LSMEM2: variants seen among roughly 807,000 people sequenced by gnomAD.
LSMEM2 encodes leucine rich single-pass membrane protein 2.
LSMEM2 carries 20 observed loss-of-function variants against 17.3 expected under a neutral mutation model. The ratio of observed to expected loss-of-function variants is 1.16; its 90% CI spans 0.81 to 1.68. The LOEUF (loss-of-function observed/expected upper bound fraction) is 1.68, where lower values mean the gene tolerates loss of function less well. Among genes scored for constraint, LSMEM2 ranks in the 40% most tolerant of loss-of-function variants. The probability of loss-of-function intolerance (pLI) is 0.00; values close to 1 mark genes in which losing one functional copy is unlikely to be tolerated. For missense variants in LSMEM2, 207 were observed against 214.3 expected, an observed-to-expected ratio of 0.97 and a Z score of 0.21; for synonymous variants, 94 against 97.8, an observed-to-expected ratio of 0.96 and a Z score of 0.23.
At chr3:50,280,144 A>G (rs1701358594) in intron 1 of LSMEM2, among the ~76,000 whole-genome samples, 1 of 135,242 alleles carries the variant, frequency 7.4e-6, no homozygotes, top group Non-Finnish European at 1.5e-5. Context: ...AAGTGTTGGG[A>G]TTACAGGGGT....
intron 1 of LSMEM2, among the ~76,000 whole-genome samples, chr3:50,284,992 C>T (rs937541378): frequency 5.3e-5 from 8 of 151,516 alleles, no homozygotes; most frequent in South Asian, 2.1e-4. Context: ...GCCAAGATTG[C>T]GCCACTGCAC....
In LSMEM2 at chr3:50,286,472, C is replaced by T. The variant is rs782615150; in HGVS notation, c.60C>T (p.Asp20=). ...AATCAGCCTGCGCTGCCCCTGCAGACTCCGTGGCGCCAATGATGCCCAGCC... is the reference window on the plus strand; with the variant it reads ...AATCAGCCTGCGCTGCCCCTGCAGATTCCGTGGCGCCAATGATGCCCAGCC... ...LLAMPEETQE[D]SVAPMMPSQR... The change falls in exon 2 of 4, where the codon GAC becomes GAT. Residue 20 remains aspartate (D), a splice_region_variant and synonymous_variant. Coordinates refer to ENST00000316436, the MANE Select transcript of LSMEM2 (RefSeq NM_153215.3). 13 of 1,599,226 alleles carry T rather than the reference C, an allele frequency of 8.1e-6. No homozygotes were observed. The South Asian group carries it at 1.5e-4, about 18-fold the overall frequency.
chr3:50,287,532 CAT>C lies in LSMEM2; in HGVS notation c.*332_*333del, dbSNP rs1701578700. 1 of 358,278 alleles carries C rather than the reference CAT, an allele frequency of 2.8e-6. No individual in the cohort carries two copies. Among genetic ancestry groups the C allele is most frequent in the Non-Finnish European group, 5.3e-6 (1 of 189,592 alleles). 22.2% of individuals were successfully genotyped at this position (358,278 alleles called of 1,614,324 possible). ...TCTGAAGTCTAGAAATAGCTGCCCC[CAT>C]AGCAATCACCCAAACTCTGCCAGGG... On this transcript the variant is annotated 3_prime_UTR_variant, in exon 4 of 4. Coordinates refer to ENST00000316436, the MANE Select transcript of LSMEM2 (RefSeq NM_153215.3).
chr3:50,283,220 G>A lies in LSMEM2; in HGVS notation c.59-3251G>A, dbSNP rs1401765543. 2.0e-5 allele frequency among the ~76,000 whole-genome samples: 3 copies of A among 151,884 alleles called. No homozygotes were observed. The South Asian group carries it at 6.2e-4, about 31-fold the overall frequency. ...AACAAACGAAACACCGGCTGGGTGCGATGGCTCACGCCTATAATCCCAGCA... is the reference window on the plus strand; with the variant it reads ...AACAAACGAAACACCGGCTGGGTGCAATGGCTCACGCCTATAATCCCAGCA... On this transcript the variant is annotated intron_variant, in intron 1 of 3. Coordinates refer to ENST00000316436, the MANE Select transcript of LSMEM2 (RefSeq NM_153215.3).
rs139536893 is a variant in LSMEM2 at position 50,286,693 on chromosome 3, T to C, written c.192T>C (p.Tyr64=). 2.5e-6 allele frequency: 4 copies of C among 1,613,902 alleles called. No homozygotes were observed. Among genetic ancestry groups the C allele is most frequent in the Admixed American group, 1.7e-5 (1 of 59,992 alleles). ...ACCCAGCAGGCACACTGCGCCCCTA[T>C]CTAACTGAAGAGGCACGACCGTGGG... ...LHSGAGTLRP[Y]LTEEARPWDE... The change falls in exon 3 of 4, where the codon TAT becomes TAC. Residue 64 remains tyrosine (Y), a synonymous_variant. Coordinates refer to ENST00000316436, the MANE Select transcript of LSMEM2 (RefSeq NM_153215.3).
rs1701557073 is a variant in LSMEM2, at chr3:50,286,860, G to A, written c.359G>A (p.Ser120Asn). 6.2e-7 allele frequency: 1 copy of A among 1,613,580 alleles called. No homozygotes were observed. Among genetic ancestry groups the A allele is most frequent in the East Asian group, 2.2e-5 (1 of 44,890 alleles). Residue 120 changes from serine (S) to asparagine (N), a missense_variant and splice_region_variant, in exon 3 of 4, where the codon AGC (serine) becomes AAC (asparagine). By Grantham distance (46) the Ser-to-Asn change is conservative. Transcript: ENST00000316436. ...CTCGCACTCCTGGCTGTCTACCTGAGCGGTATGGACGCATAGGGTGCTAGT... is the reference window on the plus strand; with the variant it reads ...CTCGCACTCCTGGCTGTCTACCTGAACGGTATGGACGCATAGGGTGCTAGT... ...LVLALLAVYL[S>N]VLQSESLRIL... is the part of the protein sequence containing the mutation.
intron 1 of LSMEM2, among the ~76,000 whole-genome samples, chr3:50,285,513 G>A (rs1344937415): frequency 1.3e-5 from 2 of 151,910 alleles, no homozygotes; most frequent in African/African-American, 2.4e-5. Context: ...GGTGGCACAC[G>A]CCTGTAATCC....
intron 1 of LSMEM2, among the ~76,000 whole-genome samples, chr3:50,283,624 C>A (rs1701449989): frequency 8.5e-6 from 1 of 116,996 alleles, no homozygotes; most frequent in Non-Finnish European, 1.8e-5. Flanking sequence ...GAGACTCCAT[C>A]TCAAAAAAAA....
upstream of LSMEM2, among the ~76,000 whole-genome samples, chr3:50,277,922 G>A (rs991153896): frequency 4.0e-5 from 6 of 151,276 alleles, no homozygotes; most frequent in African/African-American, 7.3e-5. Flanking sequence ...AGCCGAGATC[G>A]CCCCACTGCA....
In LSMEM2 at chr3:50,287,231, T is replaced by C. The variant is rs1458750821; in HGVS notation, c.*29T>C. 3 of 1,597,882 alleles carry C rather than the reference T, an allele frequency of 1.9e-6. No homozygotes were observed. Among genetic ancestry groups the C allele is most frequent in the Non-Finnish European group, 2.6e-6 (3 of 1,172,498 alleles). On this transcript the variant is annotated 3_prime_UTR_variant, in exon 4 of 4. Coordinates refer to ENST00000316436, the MANE Select transcript of LSMEM2 (RefSeq NM_153215.3). ...GCCATTTGGATCTGGGGCCTGGGGG[T>C]GTGTGTTGGTGGGGGAATAAAGTGG... is the stretch of plus-strand genomic sequence containing the variant.
chr3:50,286,658 T>C lies in LSMEM2; in HGVS notation c.173-16T>C, dbSNP rs370375320. ...GCAGGTGCACCCACCACCCTCCCAA[T>C]GTCCCATCCACCCAGCAGGCACACT... On this transcript the variant is annotated splice_polypyrimidine_tract_variant and intron_variant, in intron 2 of 3. Transcript: ENST00000316436. 3.3e-5 allele frequency: 53 copies of C among 1,612,096 alleles called. No individual in the cohort carries two copies. The highest frequency in any genetic ancestry group is 2.0e-5 in the Non-Finnish European group (24 of 1,178,554).
At chr3:50,286,623 G>A in intron 2 of LSMEM2, 39 bp downstream of exon 2, 2 of 1,611,256 alleles carry the variant, frequency 1.2e-6, no homozygotes, top group Non-Finnish European at 1.7e-6. Context: ...TGCTGGGGGA[G>A]GGGACGAAAG....
intron 1 of LSMEM2, among the ~76,000 whole-genome samples, chr3:50,281,244 T>A (rs1306875755): frequency 1.3e-5 from 2 of 150,144 alleles, no homozygotes; most frequent in Non-Finnish European, 3.0e-5. Flanking sequence ...AATTTTTTAG[T>A]AGAGACGGGG....
At chr3:50,283,142 G>A (rs1294541874) in intron 1 of LSMEM2, among the ~76,000 whole-genome samples, 2 of 151,980 alleles carry the variant, frequency 1.3e-5, no homozygotes, top group Admixed American at 6.6e-5. Context: ...CTGAGATTGC[G>A]CCACTGCACT....
In LSMEM2 at chr3:50,286,686, G is replaced by C; in HGVS notation, c.185G>C (p.Arg62Pro). The C allele has an allele frequency of 6.2e-7, 1 of 1,613,892 alleles. No homozygotes were observed. The highest frequency in any genetic ancestry group is 8.5e-7 in the Non-Finnish European group (1 of 1,179,894). The part of the protein sequence containing the change: ...SDLHSGAGTL[R>P]PYLTEEARPW... ...CCCATCCACCCAGCAGGCACACTGC[G>C]CCCCTATCTAACTGAAGAGGCACGA... Residue 62 changes from arginine to proline, a missense_variant, in exon 3 of 4, where the codon CGC (arginine) becomes CCC (proline). By Grantham distance (103) the Arg-to-Pro change is moderately radical. Coordinates refer to ENST00000316436, the MANE Select transcript of LSMEM2 (RefSeq NM_153215.3).
intron 1 of LSMEM2, among the ~76,000 whole-genome samples, chr3:50,280,909 C>T (rs587594278): frequency 5.9e-4 from 90 of 151,890 alleles, no homozygotes; most frequent in Admixed American, 1.1e-3. Context: ...CTTGGCCTTT[C>T]AAAGTGCTGG....
intron 1 of LSMEM2, among the ~76,000 whole-genome samples, chr3:50,281,856 CTTTTTTG>C (rs1290248589): frequency 2.7e-5 from 4 of 149,882 alleles, no homozygotes; most frequent in African/African-American, 9.8e-5. Flanking sequence ...TCTTTAATTA[CTTTTTTG>C]TTTTTTGAGA....
At chr3:50,279,540 T>C (rs1308254202) in intron 1 of LSMEM2, among the ~76,000 whole-genome samples, 6 of 152,182 alleles carry the variant, frequency 3.9e-5, no homozygotes, top group Admixed American at 3.9e-4. Context: ...TGGGTAGTGG[T>C]TCCAGAAAGC....
Position 50,287,237 on chromosome 3 carries a change from T to TTGG in LSMEM2, c.*39_*41dup, listed in dbSNP as rs1559800307. 6 of 1,584,984 alleles carry TTGG rather than the reference T, an allele frequency of 3.8e-6. No homozygotes were observed. The highest frequency in any genetic ancestry group is 4.3e-6 in the Non-Finnish European group (5 of 1,162,010). On this transcript the variant is annotated 3_prime_UTR_variant, in exon 4 of 4. Transcript: ENST00000316436. ...TGGATCTGGGGCCTGGGGGTGTGTGTTGGTGGGGGAATAAAGTGGCTATGG... is the reference window on the plus strand; with the variant it reads ...TGGATCTGGGGCCTGGGGGTGTGTGTTGGTGGTGGGGGAATAAAGTGGCTATGG...
Sources: gnomAD v4.1 joint callset for allele counts (sites outside exome capture counted in the v4.1 genomes callset) on GRCh38, gnomAD v4.1.1 for gene constraint, MANE v1.5 for transcripts, NCBI Gene and HGNC (gene_info 2026-07-23, HGNC 2026-07-21) for gene names.